Variants in GPR146 observed in about 807,000 individuals in gnomAD.
The protein encoded by GPR146 is G protein-coupled receptor 146.
For synonymous variants in GPR146, 203 were observed against 104.3 expected (o/e 1.95, Z -5.77); for missense variants, 381 against 213.9 (o/e 1.78, Z -4.87).
intron 1 of GPR146, among the ~76,000 whole-genome samples, chr7:1,045,115 G>A (rs78483502): frequency 0.01 from 1,556 of 152,322 alleles, 24 homozygotes; most frequent in African/African-American, 0.035. Flanking sequence ...GGCATGGGAC[G>A]GCTCTTTCAA....
intron 1 of GPR146, among the ~76,000 whole-genome samples, chr7:1,054,404 C>A (rs1166065583): frequency 1.3e-5 from 2 of 152,214 alleles, no homozygotes; most frequent in East Asian, 1.9e-4. Context: ...AACAAAAATG[C>A]ACACAGGAGA....
In GPR146 at chr7:1,052,152, C is replaced by G. The variant is rs984944608; in HGVS notation, c.-24-5340C>G. On this transcript the variant is annotated intron_variant, in intron 1 of 1. Transcript: ENST00000444847. This position sits in a 1 kb window ranked among gnomAD's most constrained non-coding sequence, Gnocchi z 4.2. ...CAAGATGCTGCCTGCAGCCCCTCCC[C>G]TCCTGGCCCGAGATGCTGTCATTGT... is the stretch of plus-strand genomic sequence containing the variant. 2.6e-5 allele frequency among the ~76,000 whole-genome samples: 4 copies of G among 152,282 alleles called. No homozygotes were observed. Among genetic ancestry groups the G allele is most frequent in the African/African-American group, 7.2e-5 (3 of 41,482 alleles).
At chr7:1,046,132 T>C (rs1782555206) in intron 1 of GPR146, among the ~76,000 whole-genome samples, 1 of 152,230 alleles carries the variant, frequency 6.6e-6, no homozygotes. Flanking sequence ...TGGGGAAATA[T>C]GCTCGTGTAA....
chr7:1,053,236 A>C (rs1388801598), intron 1 of GPR146, among the ~76,000 whole-genome samples: 1 of 152,236 alleles, frequency 6.6e-6, no homozygotes, highest in Admixed American at 6.5e-5. Flanking sequence ...AGGCTCCCAC[A>C]GAACCCCTCT....
chr7:1,049,449 A>G lies in GPR146; in HGVS notation c.-25+4791A>G, dbSNP rs1009193278. Among the ~76,000 whole-genome samples, 3 of 152,218 alleles carry G rather than the reference A, an allele frequency of 2.0e-5. No homozygotes were observed. The East Asian group carries it at 5.8e-4, about 29-fold the overall frequency. ...AACCGAGGCACACAGCAAGGATGTC[A>G]CCTGCCTGCAAAGGCACCTGTGTGC... On this transcript the variant is annotated intron_variant, in intron 1 of 1. Transcript: ENST00000444847.
chr7:1,050,449 C>T (rs925238477), intron 1 of GPR146, among the ~76,000 whole-genome samples: 5 of 152,248 alleles, frequency 3.3e-5, no homozygotes, highest in East Asian at 3.8e-4. Context: ...CCTGTCCCAT[C>T]GGTCCCTGTG....
chr7:1,056,905 T>G (rs1783849640), intron 1 of GPR146: 1 of 152,762 alleles, frequency 6.5e-6, no homozygotes, highest in Non-Finnish European at 1.5e-5. Flanking sequence ...CTAGGATGGC[T>G]CCAGCCGCCA....
At chr7:1,056,704 C>T (rs1288269533) in intron 1 of GPR146, 1 of 152,246 alleles carries the variant, frequency 6.6e-6, no homozygotes, top group Non-Finnish European at 1.5e-5. Flanking sequence ...CCTCACTGCT[C>T]TTGCCTCCGG....
At chr7:1,049,822 T>C (rs78523927) in intron 1 of GPR146, among the ~76,000 whole-genome samples, 16,277 of 152,254 alleles carry the variant, frequency 0.11, 1,152 homozygotes, top group Middle Eastern at 0.2. Flanking sequence ...ACCACTGTAC[T>C]GGGTTCTATG....
chr7:1,054,083 G>A (rs185917066), intron 1 of GPR146, among the ~76,000 whole-genome samples: 26 of 152,286 alleles, frequency 1.7e-4, no homozygotes, highest in East Asian at 3.9e-4. Flanking sequence ...TGACAAAGGC[G>A]GGAACCTGAG....
chr7:1,044,610 C>T lies in GPR146; in HGVS notation c.-73C>T, dbSNP rs1235735633. On this transcript the variant is annotated 5_prime_UTR_variant, in exon 1 of 2. Transcript: ENST00000444847. ...GTGAGCCCCGCCGCCTCCGCCAGCCCGAGCTGCCCGCCCGGCGGCGACTGC... is the reference window on the plus strand; with the variant it reads ...GTGAGCCCCGCCGCCTCCGCCAGCCTGAGCTGCCCGCCCGGCGGCGACTGC... 6.6e-6 allele frequency: 1 copy of T among 151,214 alleles called. No homozygotes were observed. 9.4% of individuals were successfully genotyped at this position (151,214 alleles called of 1,614,324 possible).
intron 1 of GPR146, among the ~76,000 whole-genome samples, chr7:1,053,558 T>C (rs1487165885): frequency 2.6e-5 from 4 of 152,220 alleles, no homozygotes; most frequent in Non-Finnish European, 4.4e-5. Context: ...CTGGGCATGG[T>C]GGCTCACGTC....
intron 1 of GPR146, among the ~76,000 whole-genome samples, chr7:1,053,173 G>A (rs1385378093): frequency 1.3e-5 from 2 of 152,218 alleles, no homozygotes; most frequent in Non-Finnish European, 2.9e-5. Flanking sequence ...AGAGGCAAGC[G>A]GGAGACCACG....
intron 1 of GPR146, among the ~76,000 whole-genome samples, chr7:1,054,571 C>T (rs566920714): frequency 3.9e-5 from 6 of 152,332 alleles, no homozygotes; most frequent in South Asian, 2.1e-4. Flanking sequence ...TCCCAAGAAT[C>T]GAGCCATTCT....
At chr7:1,055,319 G>A in intron 1 of GPR146, 1 of 471,156 alleles carries the variant, frequency 2.1e-6, no homozygotes, top group Non-Finnish European at 4.4e-6. Context: ...ACACGCACGC[G>A]CAGGCGGCCA....
chr7:1,044,748 C>G (rs1277680312), intron 1 of GPR146, 90 bp downstream of exon 1: 3 of 152,284 alleles, frequency 2.0e-5, no homozygotes, highest in Non-Finnish European at 4.4e-5. Context: ...TGCTGTGGCT[C>G]CCACGGCGGG....
chr7:1,057,035 G>A (rs1031842358), intron 1 of GPR146, among the ~76,000 whole-genome samples: 4 of 152,150 alleles, frequency 2.6e-5, no homozygotes, highest in African/African-American at 4.8e-5. Flanking sequence ...CCAAGGCACC[G>A]GGTCCTGAGC....
intron 1 of GPR146, among the ~76,000 whole-genome samples, chr7:1,051,205 G>A (rs1033619325): frequency 4.6e-5 from 7 of 152,218 alleles, no homozygotes; most frequent in Middle Eastern, 3.2e-3. Flanking sequence ...CCCAGAAAAC[G>A]GGGCGCCAGC....
chr7:1,048,242 CG>C (rs1782766891), intron 1 of GPR146, among the ~76,000 whole-genome samples: 3 of 152,184 alleles, frequency 2.0e-5, no homozygotes, highest in Admixed American at 2.0e-4. Flanking sequence ...GATCACCGGG[CG>C]TGGGACTTGC....
Sources: allele counts gnomAD v4.1 joint callset (sites outside exome capture counted in the v4.1 genomes callset), GRCh38; gene constraint gnomAD v4.1.1; non-coding constraint Gnocchi (gnomAD v3.1); transcripts MANE v1.5; gene names NCBI Gene and HGNC (gene_info 2026-07-23, HGNC 2026-07-21).